Variants in RBPJ observed in about 807,000 individuals in gnomAD.
RBPJ encodes the protein recombination signal binding protein for immunoglobulin kappa J region.
RBPJ carries 9 observed loss-of-function variants against 67.8 expected under a neutral mutation model. The ratio of observed to expected loss-of-function variants is 0.13; its 90% CI spans 0.08 to 0.23. The LOEUF (loss-of-function observed/expected upper bound fraction) is 0.23. Among genes scored for constraint, RBPJ ranks in the 10% least tolerant of loss-of-function variants. The pLI is 1.00. For missense variants in RBPJ, 305 were observed against 595.6 expected, an observed-to-expected ratio of 0.51 and a Z score of 5.08; for synonymous variants, 198 against 203.3, an observed-to-expected ratio of 0.97 and a Z score of 0.22.
chr4:26,346,926 A>T (rs1356217034), intron 1 of RBPJ, among the ~76,000 whole-genome samples: 2 of 152,022 alleles, frequency 1.3e-5, no homozygotes, highest in African/African-American at 4.8e-5. Context: ...CGGGAGGCGG[A>T]GGTTGCAGTG....
chr4:26,344,353 G>C (rs998232120), intron 1 of RBPJ, among the ~76,000 whole-genome samples: 1 of 152,102 alleles, frequency 6.6e-6, no homozygotes. Context: ...TCCTGCGTCA[G>C]CCTCCGGAGT....
At chr4:26,217,247 C>A (rs1217375704) in intron 1 of RBPJ, among the ~76,000 whole-genome samples, 1 of 152,140 alleles carries the variant, frequency 6.6e-6, no homozygotes, top group East Asian at 1.9e-4. Context: ...GGGACTCAAA[C>A]TTTATCAATT....
chr4:26,387,742 G>C (rs1378888190), intron 2 of RBPJ, among the ~76,000 whole-genome samples: 1 of 152,098 alleles, frequency 6.6e-6, no homozygotes, highest in Non-Finnish European at 1.5e-5. Context: ...GGGGATTGGG[G>C]AAAAATATCC....
intron 1 of RBPJ, among the ~76,000 whole-genome samples, chr4:26,180,697 T>C (rs915061479): frequency 6.6e-6 from 1 of 152,120 alleles, no homozygotes; most frequent in Admixed American, 6.6e-5. Flanking sequence ...TGCATGAATC[T>C]GGGGGGGACA....
At chr4:26,415,903 A>G (rs374757056) in intron 4 of RBPJ, among the ~76,000 whole-genome samples, 1 of 152,174 alleles carries the variant, frequency 6.6e-6, no homozygotes, top group Non-Finnish European at 1.5e-5. Flanking sequence ...TCAGATTTCT[A>G]TTGGAAGCCA....
At chr4:26,306,872 T>G (rs924988831) in intron 1 of RBPJ, among the ~76,000 whole-genome samples, 1 of 152,008 alleles carries the variant, frequency 6.6e-6, no homozygotes, top group African/African-American at 2.4e-5. Flanking sequence ...TTTTTAAAAA[T>G]TAAATATATT....
intron 1 of RBPJ, among the ~76,000 whole-genome samples, chr4:26,214,831 A>G (rs115134917): frequency 0.019 from 2,420 of 129,548 alleles, 96 homozygotes; most frequent in African/African-American, 0.068. Context: ...AAAGAGAAAG[A>G]AAGGAAGGAA....
the RBPJ span, among the ~76,000 whole-genome samples, chr4:26,107,933 C>T: frequency 6.6e-6 from 1 of 152,082 alleles, no homozygotes; most frequent in Non-Finnish European, 1.5e-5. Flanking sequence ...GGTTCTTTCT[C>T]CTCCTTGGGC....
chr4:26,283,528 G>A (rs1721351869), intron 1 of RBPJ, among the ~76,000 whole-genome samples: 1 of 151,728 alleles, frequency 6.6e-6, no homozygotes, highest in African/African-American at 2.4e-5. Flanking sequence ...CTGGGCTATA[G>A]AAGGAGACTC....
chr4:26,259,965 T>C (rs79762220), intron 1 of RBPJ, among the ~76,000 whole-genome samples: 3,290 of 152,310 alleles, frequency 0.022, 79 homozygotes, highest in Middle Eastern at 0.092. Context: ...ATCTTTATTC[T>C]TGCTTCAATC....
upstream of RBPJ, chr4:26,320,679 A>T: frequency 6.7e-7 from 1 of 1,492,504 alleles, no homozygotes; most frequent in East Asian, 2.5e-5. Context: ...CCCCGTAGTA[A>T]TCCCCTCCGG....
intron 3 of RBPJ, among the ~76,000 whole-genome samples, chr4:26,413,247 C>G (rs1734219206): frequency 6.6e-6 from 1 of 152,210 alleles, no homozygotes; most frequent in Non-Finnish European, 1.5e-5. Context: ...TGTGGAAATG[C>G]TCTTGCCCCA....
chr4:26,129,393 A>G, the RBPJ span, among the ~76,000 whole-genome samples: 3 of 152,334 alleles, frequency 2.0e-5, no homozygotes, highest in South Asian at 2.1e-4. Context: ...TTGTACATCT[A>G]TTTCATATAG....
At chr4:26,403,733 G>A (rs1733093313) in intron 2 of RBPJ, among the ~76,000 whole-genome samples, 1 of 152,078 alleles carries the variant, frequency 6.6e-6, no homozygotes. Context: ...TTTAATGGCT[G>A]CATAATATTC....
chr4:26,152,245 G>C, the RBPJ span, among the ~76,000 whole-genome samples: 1 of 152,214 alleles, frequency 6.6e-6, no homozygotes, highest in Non-Finnish European at 1.5e-5. Flanking sequence ...GTGACGTGTA[G>C]ACAGAGTTGA....
At chr4:26,226,544 C>G (rs780864330) in intron 1 of RBPJ, among the ~76,000 whole-genome samples, 1 of 152,164 alleles carries the variant, frequency 6.6e-6, no homozygotes, top group Non-Finnish European at 1.5e-5. Context: ...GATGCTAACA[C>G]CCAATTTCCT....
intron 1 of RBPJ, among the ~76,000 whole-genome samples, chr4:26,209,096 A>ATAT (rs1344233126): frequency 0.03 from 2,679 of 90,134 alleles, 59 homozygotes; most frequent in African/African-American, 0.075. Context: ...CAGAAGAAAA[A>ATAT]AAATATATAT....
chr4:26,240,934 A>T (rs1719613872), intron 1 of RBPJ, among the ~76,000 whole-genome samples: 1 of 152,172 alleles, frequency 6.6e-6, no homozygotes, highest in African/African-American at 2.4e-5. Flanking sequence ...AAGCAAATCA[A>T]GGCTTTACTA....
intron 1 of RBPJ, among the ~76,000 whole-genome samples, chr4:26,345,702 T>C (rs938825095): frequency 6.6e-6 from 1 of 152,202 alleles, no homozygotes; most frequent in Non-Finnish European, 1.5e-5. Context: ...TCAGTTGTAC[T>C]CTCAGGGATT....
Sources: allele counts gnomAD v4.1 joint callset (sites outside exome capture counted in the v4.1 genomes callset), GRCh38; gene constraint gnomAD v4.1.1; transcripts MANE v1.5; gene names NCBI Gene and HGNC (gene_info 2026-07-23, HGNC 2026-07-21).